CPNE2: variants seen among roughly 807,000 people sequenced by gnomAD.
CPNE2 encodes copine-2.
CPNE2 carries 42 observed loss-of-function variants against 69.7 expected under a neutral mutation model. That is an observed-to-expected ratio of 0.60 (90% CI 0.47 to 0.78). The LOEUF (loss-of-function observed/expected upper bound fraction) is 0.78, where lower values mean the gene tolerates loss of function less well. Ranked by LOEUF, CPNE2 falls within the 30% of genes least tolerant of loss-of-function variation. CPNE2 has a pLI of 0.00. For missense variants in CPNE2, 587 were observed against 732.0 expected (o/e 0.80, Z 2.29); for synonymous variants, 294 against 289.8 (o/e 1.01, Z -0.15).
At chr16:57,128,156 G>A (rs1335844232) in intron 12 of CPNE2, among the ~76,000 whole-genome samples, 3 of 152,258 alleles carry the variant, frequency 2.0e-5, no homozygotes, top group South Asian at 2.1e-4. Flanking sequence ...GCCAGATGTC[G>A]CAAATCAAAA....
At chr16:57,104,330 GGA>G (rs1158842881) in intron 1 of CPNE2, among the ~76,000 whole-genome samples, 2 of 152,248 alleles carry the variant, frequency 1.3e-5, no homozygotes, top group African/African-American at 4.8e-5. Context: ...TGGGAAGGAT[GGA>G]GTGATGGCAG....
In CPNE2 at chr16:57,092,912, G is replaced by A. The variant is rs1464314989; in HGVS notation, c.-36+122G>A. 6.6e-6 allele frequency: 1 copy of A among 151,964 alleles called. No homozygotes were observed. Among genetic ancestry groups the A allele is most frequent in the Non-Finnish European group, 1.5e-5 (1 of 67,956 alleles). 9.4% of individuals were successfully genotyped at this position (151,964 alleles called of 1,614,324 possible). Reference sequence around the variant, plus strand: ...CCGGGTTCCGCCTCGGGGGGCTGCGGCGCTCTAGCCCCCGCCGCCAGCGCG... The same window carrying A: ...CCGGGTTCCGCCTCGGGGGGCTGCGACGCTCTAGCCCCCGCCGCCAGCGCG... On this transcript the variant is annotated intron_variant, in intron 1 of 15. Coordinates refer to ENST00000290776, the MANE Select transcript of CPNE2 (RefSeq NM_152727.6). This position sits in a 1 kb window ranked among gnomAD's most constrained non-coding sequence, Gnocchi z 5.3.
At chr16:57,121,284 C>A in intron 8 of CPNE2, 93 bp downstream of exon 8, 1 of 1,040,610 alleles carries the variant, frequency 9.6e-7, no homozygotes, top group Non-Finnish European at 1.4e-6. Context: ...GGGCTGAGAT[C>A]CCCCTTCTGG....
In CPNE2 at chr16:57,102,066, G is replaced by A. The variant is rs1382190449; in HGVS notation, c.-35-8642G>A. On this transcript the variant is annotated intron_variant, in intron 1 of 15. Coordinates refer to ENST00000290776, the MANE Select transcript of CPNE2 (RefSeq NM_152727.6). ...GGCTTAGGTGATTCCCCCCATCTCA[G>A]CCTCCCAAGTACCTGGGACTACAGG... Among the ~76,000 whole-genome samples, 5 of 151,446 alleles carry A rather than the reference G, an allele frequency of 3.3e-5. No homozygotes were observed. The East Asian group carries it at 9.7e-4, about 29-fold the overall frequency.
chr16:57,098,090 G>A (rs1358926061), intron 1 of CPNE2, among the ~76,000 whole-genome samples: 2 of 152,104 alleles, frequency 1.3e-5, no homozygotes. Flanking sequence ...CTGGGAGGGT[G>A]GGGGTGGGGG....
intron 14 of CPNE2, 138 bp downstream of exon 14, chr16:57,137,420 A>C (rs1336711785): frequency 8.7e-7 from 1 of 1,153,574 alleles, no homozygotes; most frequent in Non-Finnish European, 1.2e-6. Context: ...CGTATTGTAA[A>C]AGTTGAGTCA....
intron 1 of CPNE2, among the ~76,000 whole-genome samples, chr16:57,093,414 G>T (rs1471051557): frequency 1.3e-5 from 2 of 152,124 alleles, no homozygotes; most frequent in East Asian, 3.9e-4. Flanking sequence ...TGGAGAGAGC[G>T]GGCGAACAAG....
intron 12 of CPNE2, among the ~76,000 whole-genome samples, chr16:57,131,899 C>T (rs1461641533): frequency 6.6e-6 from 1 of 152,258 alleles, no homozygotes; most frequent in Non-Finnish European, 1.5e-5. Context: ...GTGGCCTGCC[C>T]TCTGGGAGCC....
Position 57,146,487 on chromosome 16 carries a change from C to A in CPNE2, c.1539+166C>A. On this transcript the variant is annotated intron_variant, in intron 15 of 15. Coordinates refer to ENST00000290776, the MANE Select transcript of CPNE2 (RefSeq NM_152727.6). This position sits in a 1 kb window ranked among gnomAD's most constrained non-coding sequence, Gnocchi z 4.4. ...CCATGTGCCAGGCGCCGTGCCAGGC[C>A]TTGCCCCGGTGGTGGCCATTGTGAT... 1 of 648,062 alleles carries A rather than the reference C, an allele frequency of 1.5e-6. No individual in the cohort carries two copies. The highest frequency in any genetic ancestry group is 2.6e-6 in the Non-Finnish European group (1 of 379,784). 40.1% of individuals were successfully genotyped at this position (648,062 alleles called of 1,614,324 possible). A position where few individuals can be genotyped will look rare whatever the true frequency, so the allele number is the denominator to read the frequency against.
chr16:57,118,182 T>G (rs77710244), intron 5 of CPNE2, among the ~76,000 whole-genome samples: 1 of 150,960 alleles, frequency 6.6e-6, no homozygotes, highest in Non-Finnish European at 1.5e-5. Context: ...TTTTTTTTTT[T>G]TGAGACAGAG....
chr16:57,103,631 C>T (rs1422774575), intron 1 of CPNE2, among the ~76,000 whole-genome samples: 3 of 152,206 alleles, frequency 2.0e-5, no homozygotes, highest in African/African-American at 4.8e-5. Context: ...CAGGCCTCCT[C>T]CTGGGCCATC....
At chr16:57,135,789 G>A (rs1445153190) in intron 13 of CPNE2, among the ~76,000 whole-genome samples, 4 of 150,352 alleles carry the variant, frequency 2.7e-5, no homozygotes, top group East Asian at 2.0e-4. Flanking sequence ...CGGGAGAATC[G>A]CTTGAACCCA....
intron 7 of CPNE2, 27 bp downstream of exon 7, chr16:57,119,677 C>T: frequency 6.6e-7 from 1 of 1,525,962 alleles, no homozygotes; most frequent in Non-Finnish European, 8.9e-7. Context: ...GACCCTGCTC[C>T]CCACCTTGCC....
rs2069834647 is a variant in CPNE2, at chr16:57,130,990, T to TA, written c.1116+3087_1116+3088insA. 6.6e-6 allele frequency among the ~76,000 whole-genome samples: 1 copy of TA among 151,890 alleles called. No individual in the cohort carries two copies. Among genetic ancestry groups the TA allele is most frequent in the South Asian group, 2.1e-4 (1 of 4,798 alleles). Reference sequence around the variant, plus strand: ...CACGGGCACCAGGGGAGGGGTGGTTTGGTGGCTCAGAGATGGAGACGTCAA... The same window carrying TA: ...CACGGGCACCAGGGGAGGGGTGGTTTAGGTGGCTCAGAGATGGAGACGTCAA... On this transcript the variant is annotated intron_variant, in intron 12 of 15. Coordinates refer to ENST00000290776, the MANE Select transcript of CPNE2 (RefSeq NM_152727.6). This position sits in a 1 kb window ranked among gnomAD's most constrained non-coding sequence, Gnocchi z 4.1.
At chr16:57,129,709 C>T (rs1475373766) in intron 12 of CPNE2, among the ~76,000 whole-genome samples, 4 of 152,188 alleles carry the variant, frequency 2.6e-5, no homozygotes, top group Non-Finnish European at 5.9e-5. Flanking sequence ...ATCCCAGCTA[C>T]TTGGGAGGCT....
chr16:57,113,110 C>A, intron 2 of CPNE2, 178 bp from the exon 3 acceptor site: 1 of 612,718 alleles, frequency 1.6e-6, no homozygotes, highest in Non-Finnish European at 2.8e-6. Context: ...AGTCACTTAA[C>A]CTCTCTGTGC....
chr16:57,129,325 G>A (rs1231967301), intron 12 of CPNE2, among the ~76,000 whole-genome samples: 1 of 152,216 alleles, frequency 6.6e-6, no homozygotes, highest in Non-Finnish European at 1.5e-5. Flanking sequence ...GCAGAGTGGA[G>A]GGTGGAGAGA....
Position 57,147,697 on chromosome 16 carries a change from TG to T in CPNE2, c.*40del, listed in dbSNP as rs1170763231. 2 of 1,393,804 alleles carry T rather than the reference TG, an allele frequency of 1.4e-6. No homozygotes were observed. Among genetic ancestry groups the T allele is most frequent in the Non-Finnish European group, 2.0e-6 (2 of 1,007,598 alleles). The allele number at this position is 1,393,804 out of a possible 1,614,324, so 86.3% of individuals were successfully genotyped here. The stretch of plus-strand genomic sequence containing the variant: ...GCAGCAGCATGTCAGCTGAGCCTCC[TG>T]CCCTCCCCCAGGAACATGCACGCTC... On this transcript the variant is annotated 3_prime_UTR_variant, in exon 16 of 16. Coordinates refer to ENST00000290776, the MANE Select transcript of CPNE2 (RefSeq NM_152727.6).
At chr16:57,106,116 C>T (rs1180951368) in intron 1 of CPNE2, 1 of 153,840 alleles carries the variant, frequency 6.5e-6, no homozygotes, top group African/African-American at 2.4e-5. Flanking sequence ...CCCCGCCTGC[C>T]CCAACTCCAG....
Sources: gnomAD v4.1 joint callset for allele counts (sites outside exome capture counted in the v4.1 genomes callset) on GRCh38, gnomAD v4.1.1 for gene constraint, Gnocchi (gnomAD v3.1) non-coding constraint, MANE v1.5 for transcripts, NCBI Gene and HGNC (gene_info 2026-07-23, HGNC 2026-07-21) for gene names.